IL23R: variants seen among roughly 807,000 people sequenced by gnomAD.
IL23R encodes interleukin 23 receptor.
IL23R carries 34 observed loss-of-function variants against 56.9 expected under a neutral mutation model. The observed-to-expected ratio is 0.60, with a 90% CI of 0.45 to 0.80. The LOEUF (loss-of-function observed/expected upper bound fraction) is 0.80. Among genes scored for constraint, IL23R ranks in the 30% least tolerant of loss-of-function variants. The pLI is 0.00. For synonymous variants in IL23R, 230 were observed against 249.2 expected (o/e 0.92, Z 0.73); for missense variants, 635 against 730.0 (o/e 0.87, Z 1.50).
At chr1:67,243,539 T>C (rs1443771706) in intron 9 of IL23R, among the ~76,000 whole-genome samples, 2 of 152,088 alleles carry the variant, frequency 1.3e-5, no homozygotes, top group Non-Finnish European at 2.9e-5. Context: ...AGCTCCCACT[T>C]ATGAGTGAGA....
chr1:67,162,793 G>T (rs1017932533), upstream of IL23R, among the ~76,000 whole-genome samples: 1 of 152,184 alleles, frequency 6.6e-6, no homozygotes, highest in Non-Finnish European at 1.5e-5. Context: ...CACTACATGA[G>T]ATTTGAGATG....
chr1:67,170,897 C>G (rs1159277705), intron 3 of IL23R, among the ~76,000 whole-genome samples: 1 of 152,102 alleles, frequency 6.6e-6, no homozygotes, highest in Non-Finnish European at 1.5e-5. Flanking sequence ...GCTGATCTTG[C>G]AAGCTTTTCA....
At chr1:67,260,457 A>G (rs1490542851), downstream of IL23R, among the ~76,000 whole-genome samples, 1 of 152,080 alleles carries the variant, frequency 6.6e-6, no homozygotes, top group African/African-American at 2.4e-5. Flanking sequence ...CCATTGCCCC[A>G]TATCCCATGT....
intron 5 of IL23R, among the ~76,000 whole-genome samples, chr1:67,202,878 A>T (rs1377752020): frequency 6.6e-6 from 1 of 152,186 alleles, no homozygotes; most frequent in African/African-American, 2.4e-5. Context: ...ACCGGCCTGA[A>T]TATTAGATTT....
intron 1 of IL23R, among the ~76,000 whole-genome samples, chr1:67,161,265 C>A (rs1190872529): frequency 1.3e-5 from 2 of 152,144 alleles, no homozygotes; most frequent in East Asian, 3.9e-4. Context: ...ATCTCATATT[C>A]TAGAATTGAC....
chr1:67,171,797 T>C (rs1297962410), intron 3 of IL23R, among the ~76,000 whole-genome samples: 1 of 152,208 alleles, frequency 6.6e-6, no homozygotes, highest in African/African-American at 2.4e-5. Context: ...TGGTCTCCTA[T>C]ACATTTTATT....
At chr1:67,181,115 G>A (rs1416395159) in intron 3 of IL23R, among the ~76,000 whole-genome samples, 6 of 152,056 alleles carry the variant, frequency 3.9e-5, no homozygotes, top group South Asian at 2.1e-4. Context: ...TGGTCTTCTC[G>A]AGGAGTATCT....
chr1:67,194,082 GATGGAAGAGATGC>G (rs1459355338), intron 4 of IL23R, among the ~76,000 whole-genome samples: 4 of 152,190 alleles, frequency 2.6e-5, no homozygotes, highest in Admixed American at 6.5e-5. Flanking sequence ...TGAACAGCCA[GATGGAAGAGATGC>G]ATGGGGCAAA....
chr1:67,263,119 T>TTC (rs1258860840), downstream of IL23R, among the ~76,000 whole-genome samples: 1 of 115,564 alleles, frequency 8.7e-6, no homozygotes, highest in East Asian at 2.1e-4. Flanking sequence ...TTCCTTTTTT[T>TTC]TTTTTTTTTT....
At chr1:67,193,011 C>T (rs1423598547) in intron 4 of IL23R, among the ~76,000 whole-genome samples, 1 of 152,144 alleles carries the variant, frequency 6.6e-6, no homozygotes, top group Non-Finnish European at 1.5e-5. Flanking sequence ...GTCTTCTAAA[C>T]TTTCCCCTCT....
Position 67,207,018 on chromosome 1 carries a change from A to G in IL23R, c.761A>G (p.Glu254Gly), listed in dbSNP as rs1444664057. 5.0e-6 allele frequency: 8 copies of G among 1,613,698 alleles called. No individual in the cohort carries two copies. Among genetic ancestry groups the G allele is most frequent in the Non-Finnish European group, 6.8e-6 (8 of 1,179,928 alleles). Residue 254 changes from glutamate to glycine, a missense_variant, in exon 6 of 11, where the codon GAA (glutamate) becomes GGA (glycine). Transcript: ENST00000347310. Reference protein sequence around the residue: ...SQTTIEKVSCEMRYKATTNQT... With the variant: ...SQTTIEKVSCGMRYKATTNQT... ...ACAACAATTGAAAAGGTTTCCTGTG[A>G]AATGAGATACAAGGCTACAACAAAC... is the stretch of plus-strand genomic sequence containing the variant.
At position 67,240,274 on chromosome 1, in the gene IL23R, CG is replaced by C; in HGVS notation, c.1142del (p.Arg381GlnfsTer11). 6.2e-7 allele frequency: 1 copy of C among 1,607,488 alleles called. No homozygotes were observed. Among genetic ancestry groups the C allele is most frequent in the Non-Finnish European group, 8.5e-7 (1 of 1,174,388 alleles). On this transcript the variant is annotated frameshift_variant, in exon 9 of 11. Transcript: ENST00000347310. LOFTEE classifies it high-confidence loss of function. ...SLIGIFNRSF[R>X]TGIKRRILLL... The stretch of plus-strand genomic sequence containing the variant: ...GATTGGGATATTTAACAGATCATTC[CG>C]AACTGGGTAGGTTTTTGCAGAATTT...
Position 67,169,500 on chromosome 1 carries a change from A to T in IL23R, c.229A>T (p.Ile77Phe). The T allele has an allele frequency of 6.2e-7, 1 of 1,614,138 alleles. No homozygotes were observed. The change falls in exon 3 of 11, where the codon ATC (isoleucine) becomes TTC (phenylalanine). Residue 77 changes from isoleucine to phenylalanine, a missense_variant. Physicochemically the swap from Ile to Phe is conservative, Grantham distance 21. Transcript: ENST00000347310. ...YKNGIKERFQITRINKTTARL... is the reference protein window; with the variant it reads ...YKNGIKERFQFTRINKTTARL... ...AAATGGCATCAAAGAAAGATTTCAA[A>T]TCACAAGGATTAATAAAACAACAGC... is the stretch of plus-strand genomic sequence containing the variant.
At chr1:67,200,466 C>T (rs1648540641) in intron 4 of IL23R, among the ~76,000 whole-genome samples, 1 of 150,586 alleles carries the variant, frequency 6.6e-6, no homozygotes, top group African/African-American at 2.4e-5. Context: ...GACCTTGGCT[C>T]ACTGCAGGCT....
At chr1:67,220,356 G>A (rs898721108) in intron 7 of IL23R, among the ~76,000 whole-genome samples, 1 of 151,476 alleles carries the variant, frequency 6.6e-6, no homozygotes, top group Non-Finnish European at 1.5e-5. Context: ...CCAAGAGAGA[G>A]AGACTTGGTC....
At chr1:67,152,797 C>T (rs1018576869) in intron 1 of IL23R, among the ~76,000 whole-genome samples, 1 of 152,146 alleles carries the variant, frequency 6.6e-6, no homozygotes, top group Admixed American at 6.5e-5. Flanking sequence ...AGGGATGAAG[C>T]CAACTTGGTC....
chr1:67,199,123 C>T (rs1210082962), intron 4 of IL23R, among the ~76,000 whole-genome samples: 1 of 152,138 alleles, frequency 6.6e-6, no homozygotes, highest in Non-Finnish European at 1.5e-5. Flanking sequence ...TCACTATATG[C>T]ACTCACTTTC....
chr1:67,148,540 C>T (rs1010148432), intron 1 of IL23R, among the ~76,000 whole-genome samples: 26 of 152,192 alleles, frequency 1.7e-4, no homozygotes, highest in South Asian at 8.3e-4. Context: ...TTACAAGCCT[C>T]GTGTTTGAAG....
chr1:67,185,781 G>C (rs968336155), intron 4 of IL23R, among the ~76,000 whole-genome samples: 7 of 152,174 alleles, frequency 4.6e-5, no homozygotes, highest in African/African-American at 1.7e-4. Flanking sequence ...TTCTGAACAG[G>C]AGTTAAACAG....
Sources: gnomAD v4.1 joint callset for allele counts (sites outside exome capture counted in the v4.1 genomes callset) on GRCh38, gnomAD v4.1.1 for gene constraint, MANE v1.5 for transcripts, NCBI Gene and HGNC (gene_info 2026-07-23, HGNC 2026-07-21) for gene names.